PRKN: variants seen among roughly 807,000 people sequenced by gnomAD.
PRKN encodes the protein E3 ubiquitin-protein ligase parkin.
In PRKN, 56 loss-of-function variants were observed where a neutral mutation model predicts 59.5. The ratio of observed to expected loss-of-function variants is 0.94; its 90% CI spans 0.76 to 1.18. The LOEUF (loss-of-function observed/expected upper bound fraction) is 1.18, where lower values mean the gene tolerates loss of function less well. Ranked by LOEUF, PRKN falls within the 50% of genes most tolerant of loss-of-function variation. The pLI is 0.00. For missense variants in PRKN, 657 were observed against 596.4 expected (o/e 1.10, Z -1.06); for synonymous variants, 250 against 222.1 (o/e 1.13, Z -1.12).
intron 1 of PRKN, among the ~76,000 whole-genome samples, chr6:162,481,586 C>A (rs576242364): frequency 2.6e-5 from 4 of 152,222 alleles, no homozygotes; most frequent in African/African-American, 9.6e-5. Context: ...CACTGGGATG[C>A]AAAAGGGAAC....
intron 6 of PRKN, among the ~76,000 whole-genome samples, chr6:161,829,193 T>G (rs1792372842): frequency 6.6e-6 from 1 of 152,074 alleles, no homozygotes; most frequent in African/African-American, 2.4e-5. Flanking sequence ...ACGATTGCAC[T>G]CCAGTCTGGG....
At chr6:162,320,605 T>C (rs558281659) in intron 2 of PRKN, among the ~76,000 whole-genome samples, 1 of 151,694 alleles carries the variant, frequency 6.6e-6, no homozygotes, top group Non-Finnish European at 1.5e-5. Context: ...TTTCAAGAAT[T>C]GGCCAGGATA....
intron 6 of PRKN, among the ~76,000 whole-genome samples, chr6:161,930,859 G>T (rs1036690767): frequency 1.3e-5 from 2 of 152,168 alleles, no homozygotes; most frequent in Admixed American, 1.3e-4. Flanking sequence ...ACCGGCTACT[G>T]TTGGCCATGA....
intron 3 of PRKN, among the ~76,000 whole-genome samples, chr6:162,241,160 T>C (rs529751131): frequency 1.3e-4 from 20 of 152,318 alleles, no homozygotes; most frequent in African/African-American, 4.8e-4. Flanking sequence ...TATGATGCCT[T>C]TACAATTACT....
At position 162,245,694 on chromosome 6, in the gene PRKN, C is replaced by T. The variant is rs1002268679; in HGVS notation, c.412+16831G>A. On this transcript the variant is annotated intron_variant, in intron 3 of 11. Coordinates refer to ENST00000366898, the MANE Select transcript of PRKN (RefSeq NM_004562.3). The stretch of plus-strand genomic sequence containing the variant: ...TCTTGAAATCTGCAACCGGGGTTCT[C>T]CACTTTTTCCCCTTTTTCTTTTCTG... 2.0e-5 allele frequency among the ~76,000 whole-genome samples: 3 copies of T among 152,186 alleles called. No homozygotes were observed. In the East Asian group the frequency reaches 5.8e-4, roughly 29 times the overall value.
intron 2 of PRKN, among the ~76,000 whole-genome samples, chr6:162,319,115 A>T (rs1782874464): frequency 6.6e-6 from 1 of 151,970 alleles, no homozygotes; most frequent in African/African-American, 2.4e-5. Flanking sequence ...TCACAAATTG[A>T]TTTTTTTATA....
intron 4 of PRKN, among the ~76,000 whole-genome samples, chr6:162,158,678 G>A (rs2849579): frequency 0.94 from 142,424 of 151,996 alleles, 67,327 homozygotes; most frequent in Non-Finnish European, 1. Context: ...TGATCCGCCC[G>A]CCTTGGCCTT....
At chr6:162,153,769 C>T (rs570412317) in intron 4 of PRKN, among the ~76,000 whole-genome samples, 1 of 152,206 alleles carries the variant, frequency 6.6e-6, no homozygotes, top group East Asian at 1.9e-4. Flanking sequence ...GGCCAGGTTG[C>T]CTCTCTATGA....
chr6:162,216,248 C>T (rs1365808326), intron 3 of PRKN, among the ~76,000 whole-genome samples: 1 of 151,654 alleles, frequency 6.6e-6, no homozygotes, highest in Non-Finnish European at 1.5e-5. Flanking sequence ...ACCCAGTTTG[C>T]GGCCGGGCGC....
intron 4 of PRKN, among the ~76,000 whole-genome samples, chr6:162,120,870 C>A (rs186278068): frequency 6.6e-6 from 1 of 152,330 alleles, no homozygotes; most frequent in East Asian, 1.9e-4. Context: ...TCATTTAACT[C>A]ACCTGTTTGG....
chr6:162,020,920 T>C lies in PRKN; in HGVS notation c.618+33171A>G, dbSNP rs989388896. On this transcript the variant is annotated intron_variant, in intron 5 of 11. Coordinates refer to ENST00000366898, the MANE Select transcript of PRKN (RefSeq NM_004562.3). ...GACTTCGAGATCAGCCTGGCCAACA[T>C]GGTGAAACCTCATCTCTACAAAAAA... Among the ~76,000 whole-genome samples the C allele has an allele frequency of 1.1e-4, 17 of 151,522 alleles. No individual in the cohort carries two copies. In the East Asian group the frequency reaches 2.3e-3, roughly 21 times the overall value.
chr6:162,092,311 G>A (rs1379683045), intron 4 of PRKN, among the ~76,000 whole-genome samples: 6 of 152,058 alleles, frequency 3.9e-5, no homozygotes, highest in Non-Finnish European at 5.9e-5. Context: ...CTGATATTGC[G>A]TCATTGCGCT....
chr6:161,942,324 A>T (rs368177446), intron 6 of PRKN, among the ~76,000 whole-genome samples: 1 of 152,154 alleles, frequency 6.6e-6, no homozygotes, highest in African/African-American at 2.4e-5. Flanking sequence ...TGAGATCAGG[A>T]GTTTGAGATC....
At chr6:162,260,354 C>T (rs1343525978) in intron 3 of PRKN, among the ~76,000 whole-genome samples, 1 of 152,206 alleles carries the variant, frequency 6.6e-6, no homozygotes, top group African/African-American at 2.4e-5. Context: ...CTGTCATTTA[C>T]CACATTCCAT....
In PRKN at chr6:162,721,434, C is replaced by T. The variant is rs575089561; in HGVS notation, c.7+6228G>A. ...GTAGATAATGGTTCAGTGACTCCTCCCTATCGCCAACTTTAAACCTACCTC... is the reference window on the plus strand; with the variant it reads ...GTAGATAATGGTTCAGTGACTCCTCTCTATCGCCAACTTTAAACCTACCTC... On this transcript the variant is annotated intron_variant, in intron 1 of 11. Coordinates refer to ENST00000366898, the MANE Select transcript of PRKN (RefSeq NM_004562.3). Among the ~76,000 whole-genome samples, 37 of 152,258 alleles carry T rather than the reference C, an allele frequency of 2.4e-4. 1 individual carries two copies. The South Asian group carries it at 4.6e-3, about 19-fold the overall frequency.
At chr6:161,831,697 A>G (rs1792504978) in intron 6 of PRKN, among the ~76,000 whole-genome samples, 1 of 152,214 alleles carries the variant, frequency 6.6e-6, no homozygotes, top group South Asian at 2.1e-4. Context: ...ATGAAATGTA[A>G]TCTGGGTGGA....
chr6:162,399,952 T>C (rs1787678550), intron 2 of PRKN, among the ~76,000 whole-genome samples: 1 of 152,178 alleles, frequency 6.6e-6, no homozygotes, highest in Non-Finnish European at 1.5e-5. Context: ...ACGCTTGTAA[T>C]TGCGGCACTT....
At chr6:161,404,237 C>T (rs1455666181) in intron 9 of PRKN, among the ~76,000 whole-genome samples, 2 of 152,144 alleles carry the variant, frequency 1.3e-5, no homozygotes, top group South Asian at 2.1e-4. Context: ...GTTCTGAGAG[C>T]TGCTATCTAA....
chr6:161,362,360 C>T lies in PRKN; in HGVS notation c.1168-2155G>A, dbSNP rs972339292. 3.3e-5 allele frequency among the ~76,000 whole-genome samples: 5 copies of T among 152,170 alleles called. No individual in the cohort carries two copies. The highest frequency in any genetic ancestry group is 2.1e-4 in the South Asian group (1 of 4,832). ...CTGTGGGGCTATCTTCTTAGTCCCG[C>T]GCTGCCCATCATCTGGGTCTTCCCA... On this transcript the variant is annotated intron_variant, in intron 10 of 11. Transcript: ENST00000366898. This position sits in a 1 kb window ranked among gnomAD's most constrained non-coding sequence, Gnocchi z 5.2.
Sources: gnomAD v4.1 joint callset for allele counts (sites outside exome capture counted in the v4.1 genomes callset) on GRCh38, gnomAD v4.1.1 for gene constraint, Gnocchi (gnomAD v3.1) non-coding constraint, MANE v1.5 for transcripts, NCBI Gene and HGNC (gene_info 2026-07-23, HGNC 2026-07-21) for gene names.